Variants in PDE1C observed in about 807,000 individuals in gnomAD.
PDE1C encodes the protein dual specificity calcium/calmodulin-dependent 3',5'-cyclic nucleotide phosphodiesterase 1C.
In PDE1C, 62 loss-of-function variants were observed where a neutral mutation model predicts 93.1. That is an observed-to-expected ratio of 0.67 (90% confidence interval 0.54 to 0.82). The LOEUF is 0.82. Among genes scored for constraint, PDE1C ranks in the 40% least tolerant of loss-of-function variants. The pLI is 0.00. For synonymous variants in PDE1C, 325 were observed against 310.1 expected, an observed-to-expected ratio of 1.05 and a Z score of -0.50; for missense variants, 742 against 884.6, an observed-to-expected ratio of 0.84 and a Z score of 2.04.
intron 2 of PDE1C, among the ~76,000 whole-genome samples, chr7:32,186,086 T>TG (rs1803833413): frequency 1.4e-4 from 12 of 84,040 alleles, no homozygotes; most frequent in Admixed American, 1.3e-3. Context: ...TTTGTTTTTT[T>TG]GTTTTTTTTT....
intron 1 of PDE1C, among the ~76,000 whole-genome samples, chr7:32,361,608 C>T (rs914559085): frequency 2.6e-5 from 4 of 152,200 alleles, no homozygotes; most frequent in African/African-American, 9.7e-5. Context: ...GCCCTTCCAC[C>T]CTGGGGGAAA....
the PDE1C span, among the ~76,000 whole-genome samples, chr7:31,646,174 T>C: frequency 1.3e-5 from 2 of 152,180 alleles, no homozygotes; most frequent in Non-Finnish European, 2.9e-5. Context: ...AATAACAAAA[T>C]TGTGTTCAAA....
intron 2 of PDE1C, chr7:31,893,329 G>T: frequency 5.3e-6 from 1 of 189,790 alleles, no homozygotes; most frequent in Non-Finnish European, 9.8e-6. Flanking sequence ...TTTGGGGTGG[G>T]ATAAGGGGAG....
intron 14 of PDE1C, among the ~76,000 whole-genome samples, chr7:31,818,752 A>C (rs923317407): frequency 2.0e-5 from 3 of 152,156 alleles, no homozygotes; most frequent in African/African-American, 4.8e-5. Flanking sequence ...ACCTGGTATC[A>C]ATTTTAGAAA....
intron 2 of PDE1C, among the ~76,000 whole-genome samples, chr7:32,027,873 G>T (rs1789702855): frequency 6.6e-6 from 1 of 151,844 alleles, no homozygotes; most frequent in Admixed American, 6.6e-5. Flanking sequence ...GCCTTACACT[G>T]AAATCATATT....
intron 16 of PDE1C, among the ~76,000 whole-genome samples, chr7:31,776,137 T>G (rs1459551335): frequency 6.6e-6 from 1 of 152,208 alleles, no homozygotes; most frequent in Non-Finnish European, 1.5e-5. Flanking sequence ...TGGAGGACTA[T>G]CTGAAGAAGG....
chr7:31,864,729 G>T (rs2072425), intron 7 of PDE1C, among the ~76,000 whole-genome samples: 1 of 152,000 alleles, frequency 6.6e-6, no homozygotes, highest in Non-Finnish European at 1.5e-5. Context: ...TCACTACTAG[G>T]TATTTATCTC....
At chr7:31,773,093 G>T (rs1267069760) in intron 17 of PDE1C, among the ~76,000 whole-genome samples, 1 of 152,230 alleles carries the variant, frequency 6.6e-6, no homozygotes, top group African/African-American at 2.4e-5. Context: ...CAGCTGCCCT[G>T]CAGCTTCTGT....
rs78241723 is a variant in PDE1C, at chr7:32,401,702, A to G, written c.310+26120T>C. Among the ~76,000 whole-genome samples the G allele has an allele frequency of 6.2e-3, 950 of 152,290 alleles. 11 individuals carry two copies. The highest frequency in any genetic ancestry group is 0.021 in the African/African-American group (892 of 41,560). On this transcript the variant is annotated intron_variant, in intron 1 of 1. Transcript: ENST00000672256. ...CGAGGAGATTCTGTGCTCAAGCCTT[A>G]GCTAATTTTCACATAGTTTACCAGC... is the stretch of plus-strand genomic sequence containing the variant.
chr7:31,968,010 T>A (rs966937513), intron 2 of PDE1C, among the ~76,000 whole-genome samples: 1 of 152,156 alleles, frequency 6.6e-6, no homozygotes, highest in Non-Finnish European at 1.5e-5. Flanking sequence ...TCATACTGAA[T>A]GGACAAAGAC....
At chr7:32,240,530 TGTG>T (rs1460775589) in intron 1 of PDE1C, among the ~76,000 whole-genome samples, 3 of 152,118 alleles carry the variant, frequency 2.0e-5, no homozygotes, top group African/African-American at 7.2e-5. Context: ...TTTTAAACAG[TGTG>T]GTCAACAAAG....
In PDE1C at chr7:31,895,991, T is replaced by TTACATACATACATACATACATACA. The variant is rs6150057; in HGVS notation, c.129-15155_129-15132dup. On this transcript the variant is annotated intron_variant, in intron 2 of 17. Transcript: ENST00000396191. ...TGAGAACAGACTAATACACTCTCCCTTACATACATACATACATACATACAT... is the reference window on the plus strand; with the variant it reads ...TGAGAACAGACTAATACACTCTCCCTTACATACATACATACATACATACATACATACATACATACATACATACAT... Among the ~76,000 whole-genome samples the TTACATACATACATACATACATACA allele has an allele frequency of 3.2e-3, 476 of 148,592 alleles. 2 individuals are homozygous for TTACATACATACATACATACATACA. Among genetic ancestry groups the TTACATACATACATACATACATACA allele is most frequent in the Non-Finnish European group, 4.8e-3 (323 of 67,554 alleles).
At chr7:32,242,167 A>C (rs1808586371) in intron 1 of PDE1C, among the ~76,000 whole-genome samples, 1 of 152,162 alleles carries the variant, frequency 6.6e-6, no homozygotes, top group Non-Finnish European at 1.5e-5. Context: ...CCAAGCAAAT[A>C]GAGGGGAGAG....
intron 1 of PDE1C, among the ~76,000 whole-genome samples, chr7:32,237,483 A>ATACTCT (rs1808193842): frequency 1.3e-5 from 2 of 152,214 alleles, no homozygotes; most frequent in Admixed American, 1.3e-4. Context: ...GAACTACTCC[A>ATACTCT]TACTCTTACT....
rs181184150 is a variant in PDE1C at position 32,183,074 on chromosome 7, C to G, written c.137-13118G>C. ...AATTGCTTCAAAGAGAATAAAATACCTAGGAATCCAACTTATAAGGGACAT... is the reference window on the plus strand; with the variant it reads ...AATTGCTTCAAAGAGAATAAAATACGTAGGAATCCAACTTATAAGGGACAT... On this transcript the variant is annotated intron_variant, in intron 2 of 18. Transcript: ENST00000396193. Among the ~76,000 whole-genome samples the G allele has an allele frequency of 3.9e-3, 590 of 152,158 alleles. 3 individuals are homozygous for G. The highest frequency in any genetic ancestry group is 0.013 in the African/African-American group (550 of 41,512).
Position 31,998,206 on chromosome 7 carries a change from A to G in PDE1C, c.128+53348T>C, listed in dbSNP as rs572908016. On this transcript the variant is annotated intron_variant, in intron 2 of 17. Transcript: ENST00000396191. Reference sequence around the variant, plus strand: ...AGCTAATTTTTTGTATTTTTAGTAGAGACAGGGTTTCACCATGTTAGCCAG... The same window carrying G: ...AGCTAATTTTTTGTATTTTTAGTAGGGACAGGGTTTCACCATGTTAGCCAG... 2.0e-4 allele frequency among the ~76,000 whole-genome samples: 30 copies of G among 152,020 alleles called. No homozygotes were observed. The South Asian group carries it at 5.0e-3, about 25-fold the overall frequency.
chr7:31,971,615 C>CCTGCT (rs1810973087), intron 2 of PDE1C, among the ~76,000 whole-genome samples: 1 of 152,200 alleles, frequency 6.6e-6, no homozygotes, highest in African/African-American at 2.4e-5. Context: ...CCTGCCCTGC[C>CCTGCT]CTGCTGTATG....
chr7:31,983,704 C>T (rs984137414), intron 2 of PDE1C, among the ~76,000 whole-genome samples: 1 of 152,108 alleles, frequency 6.6e-6, no homozygotes, highest in Non-Finnish European at 1.5e-5. Context: ...TGTCTCAAAG[C>T]ATTGTGCAAA....
intron 17 of PDE1C, among the ~76,000 whole-genome samples, chr7:31,760,917 G>T (rs1296630243): frequency 1.3e-5 from 2 of 152,108 alleles, no homozygotes; most frequent in Non-Finnish European, 2.9e-5. Context: ...TCTGTTTGTG[G>T]TAGAAAGCCC....
Sources: gnomAD v4.1 joint callset for allele counts (sites outside exome capture counted in the v4.1 genomes callset) on GRCh38, gnomAD v4.1.1 for gene constraint, MANE v1.5 for transcripts, NCBI Gene and HGNC (gene_info 2026-07-23, HGNC 2026-07-21) for gene names.